Variants in CNOT4 observed in about 807,000 individuals in gnomAD.
The protein encoded by CNOT4 is CCR4-NOT transcription complex subunit 4.
Under a neutral mutation model 73.8 loss-of-function variants are expected in CNOT4, and 8 were observed. The observed-to-expected ratio is 0.11, with a 90% CI of 0.06 to 0.20. CNOT4 has a LOEUF of 0.20. Among genes scored for constraint, CNOT4 ranks in the 10% least tolerant of loss-of-function variants. The pLI is 1.00. For synonymous variants in CNOT4, 293 were observed against 321.1 expected, an observed-to-expected ratio of 0.91 and a Z score of 0.94; for missense variants, 564 against 883.4, an observed-to-expected ratio of 0.64 and a Z score of 4.58.
chr7:135,383,544 C>A (rs1486408204), intron 10 of CNOT4, among the ~76,000 whole-genome samples: 1 of 152,196 alleles, frequency 6.6e-6, no homozygotes, highest in Non-Finnish European at 1.5e-5. Context: ...TGCCCATCTG[C>A]GGATGCATGG....
intron 10 of CNOT4, chr7:135,388,766 G>C (rs1045624): frequency 6.2e-7 from 1 of 1,606,340 alleles, no homozygotes; most frequent in Non-Finnish European, 8.5e-7. Context: ...GCACCCCAGA[G>C]TCTAATCCTC....
chr7:135,472,534 TATATATATATATATATATATATATA>T (rs1430235523), intron 1 of CNOT4, among the ~76,000 whole-genome samples: 1 of 51,580 alleles, frequency 1.9e-5, no homozygotes, highest in African/African-American at 9.6e-5. Flanking sequence ...TATATATATA[TATATATATATATATATATATATATA>T]AAGTGATCCT....
intron 2 of CNOT4, among the ~76,000 whole-genome samples, chr7:135,422,633 C>T (rs528429509): frequency 6.6e-6 from 1 of 152,142 alleles, no homozygotes; most frequent in Non-Finnish European, 1.5e-5. Context: ...TTGATATTCC[C>T]TGCAGTGTCC....
At chr7:135,417,606 G>T (rs758900464) in intron 3 of CNOT4, among the ~76,000 whole-genome samples, 1 of 152,170 alleles carries the variant, frequency 6.6e-6, no homozygotes, top group African/African-American at 2.4e-5. Context: ...TAATTATGAT[G>T]ACATGTTCAC....
At chr7:135,455,869 AAAAC>A (rs1038478902) in intron 1 of CNOT4, among the ~76,000 whole-genome samples, 50 of 152,342 alleles carry the variant, frequency 3.3e-4, no homozygotes, top group Admixed American at 1.4e-3. Flanking sequence ...CTGTCTCAAA[AAAAC>A]AAACAAACAA....
At chr7:135,431,956 G>A (rs1003623192) in intron 2 of CNOT4, among the ~76,000 whole-genome samples, 3 of 152,118 alleles carry the variant, frequency 2.0e-5, no homozygotes, top group Admixed American at 6.5e-5. Flanking sequence ...GTAGAGTTAA[G>A]GTAATCTCCA....
intron 1 of CNOT4, among the ~76,000 whole-genome samples, chr7:135,478,400 C>T (rs1227107892): frequency 6.6e-6 from 1 of 152,100 alleles, no homozygotes; most frequent in African/African-American, 2.4e-5. Flanking sequence ...TAAAAATCAA[C>T]CAGGCCATGA....
chr7:135,424,523 G>A (rs370414879), intron 2 of CNOT4, among the ~76,000 whole-genome samples: 1 of 152,166 alleles, frequency 6.6e-6, no homozygotes, highest in Non-Finnish European at 1.5e-5. Context: ...GGTGGCTCAC[G>A]CCTGTAATTC....
intron 1 of CNOT4, among the ~76,000 whole-genome samples, chr7:135,473,049 A>G (rs1421201558): frequency 6.6e-6 from 1 of 152,088 alleles, no homozygotes; most frequent in African/African-American, 2.4e-5. Context: ...TCAAAAAAAA[A>G]AAATACAATT....
intron 2 of CNOT4, among the ~76,000 whole-genome samples, chr7:135,430,624 G>A (rs1292302135): frequency 6.6e-6 from 1 of 152,000 alleles, no homozygotes; most frequent in East Asian, 1.9e-4. Context: ...CACCCTGGGC[G>A]AGAGACCAAG....
rs1444968149 is a variant in CNOT4 at position 135,388,073 on chromosome 7, G to C, written c.1627+5845C>G. 9 of 985,208 alleles carry C rather than the reference G, an allele frequency of 9.1e-6. No individual in the cohort carries two copies. The African/African-American group carries it at 1.2e-4, about 13-fold the overall frequency. 61.0% of individuals were successfully genotyped at this position (985,208 alleles called of 1,614,324 possible). ...TCAGATAAGTCAACTATAAACTGAA[G>C]TTCTGTTTTTGAGGCATTTCCTGGT... On this transcript the variant is annotated intron_variant, in intron 10 of 11. Transcript: ENST00000541284.
At chr7:135,424,113 A>AT (rs1337022850) in intron 2 of CNOT4, among the ~76,000 whole-genome samples, 2 of 151,468 alleles carry the variant, frequency 1.3e-5, no homozygotes, top group Non-Finnish European at 2.9e-5. Flanking sequence ...AACATAAATT[A>AT]TTTCTTGCAT....
At position 135,439,988 on chromosome 7, in the gene CNOT4, G is replaced by GA. The variant is rs1001052108; in HGVS notation, c.-92-1566dup. On this transcript the variant is annotated intron_variant, in intron 1 of 11. Transcript: ENST00000541284. Reference sequence around the variant, plus strand: ...ATCAATAAATTATTGAAGTGTTAAAGAAAAAAAAAACAGATTTTTTTAAAA... The same window carrying GA: ...ATCAATAAATTATTGAAGTGTTAAAGAAAAAAAAAAACAGATTTTTTTAAAA... Among the ~76,000 whole-genome samples the GA allele has an allele frequency of 1.1e-3, 142 of 134,348 alleles. No homozygotes were observed. In the East Asian group the frequency reaches 0.013, roughly 12 times the overall value. The allele number at this position is 134,348 out of a possible 152,430, so 88.1% of individuals were successfully genotyped here.
chr7:135,385,115 C>T (rs1052103146), intron 10 of CNOT4, among the ~76,000 whole-genome samples: 2 of 152,212 alleles, frequency 1.3e-5, no homozygotes, highest in Admixed American at 6.5e-5. Context: ...ACTTTCTAAC[C>T]GGTCCTAATT....
At chr7:135,465,326 G>C (rs937455547) in intron 1 of CNOT4, among the ~76,000 whole-genome samples, 1 of 152,076 alleles carries the variant, frequency 6.6e-6, no homozygotes, top group East Asian at 1.9e-4. Context: ...CACGCTGACT[G>C]CTACTCCCAC....
In CNOT4 at chr7:135,495,679, AAAAAAAAAAAAAAAGAAAGAAAG is replaced by A. The variant is rs1563083358; in HGVS notation, c.-93+14187_-93+14209del. On this transcript the variant is annotated intron_variant, in intron 1 of 11. Coordinates refer to ENST00000541284, the MANE Select transcript of CNOT4 (RefSeq NM_001190850.2). ...AGTGAGACCCTGTGTCAAAAAAAAAAAAAAAAAAAAAAAAGAAAGAAAGAAAGAAAGAAAGAAAGAAAGAAAGA... is the reference window on the plus strand; with the variant it reads ...AGTGAGACCCTGTGTCAAAAAAAAAAAAAGAAAGAAAGAAAGAAAGAAAGA... Among the ~76,000 whole-genome samples, 59 of 94,656 alleles carry A rather than the reference AAAAAAAAAAAAAAAGAAAGAAAG, an allele frequency of 6.2e-4. 1 individual carries two copies. The highest frequency in any genetic ancestry group is 2.2e-3 in the African/African-American group (54 of 24,916). The allele number at this position is 94,656 out of a possible 152,430, so 62.1% of individuals were successfully genotyped here.
intron 10 of CNOT4, among the ~76,000 whole-genome samples, chr7:135,391,151 TC>T (rs1796381810): frequency 6.6e-6 from 1 of 152,122 alleles, no homozygotes; most frequent in Non-Finnish European, 1.5e-5. Flanking sequence ...TATATAGTTT[TC>T]CAGATTTTCA....
chr7:135,505,061 A>G (rs1804274385), intron 1 of CNOT4, among the ~76,000 whole-genome samples: 1 of 152,338 alleles, frequency 6.6e-6, no homozygotes, highest in East Asian at 1.9e-4. Context: ...ATTCTACTCC[A>G]TAATTGCTTT....
At chr7:135,435,941 C>T (rs1242463375) in intron 2 of CNOT4, among the ~76,000 whole-genome samples, 1 of 138,066 alleles carries the variant, frequency 7.2e-6, no homozygotes, top group East Asian at 2.1e-4. Flanking sequence ...GGGGGTAGGC[C>T]TATAAGGCTG....
Sources: gnomAD v4.1 joint callset for allele counts (sites outside exome capture counted in the v4.1 genomes callset) on GRCh38, gnomAD v4.1.1 for gene constraint, MANE v1.5 for transcripts, NCBI Gene and HGNC (gene_info 2026-07-23, HGNC 2026-07-21) for gene names.